The following RCOR1 variants were observed in gnomAD, a reference collection of about 807,000 sequenced individuals.
RCOR1 encodes REST corepressor.
In RCOR1, 12 loss-of-function variants were observed where a neutral mutation model predicts 64.0. That is an observed-to-expected ratio of 0.19 (90% CI 0.12 to 0.30). The LOEUF (loss-of-function observed/expected upper bound fraction) is 0.30. Among genes scored for constraint, RCOR1 ranks in the 10% least tolerant of loss-of-function variants. The pLI, the probability that RCOR1 is intolerant of heterozygous loss-of-function variation, is 1.00. For synonymous variants in RCOR1, 279 were observed against 227.2 expected, an observed-to-expected ratio of 1.23 and a Z score of -2.05; for missense variants, 502 against 621.2, an observed-to-expected ratio of 0.81 and a Z score of 2.04.
At position 102,619,104 on chromosome 14, in the gene RCOR1, A is replaced by ATCTGTCTGTCTGTCTG. The variant is rs71119723; in HGVS notation, c.361+25787_361+25802dup. On this transcript the variant is annotated intron_variant, in intron 2 of 11. Coordinates refer to ENST00000262241, the MANE Select transcript of RCOR1 (RefSeq NM_015156.4). ...CCTGGCTTGTGTATCTAGCTAAAGG[A>ATCTGTCTGTCTGTCTG]TCTGTCTGTCTGTCTGTCTGTCTTT... Among the ~76,000 whole-genome samples the ATCTGTCTGTCTGTCTG allele has an allele frequency of 3.2e-3, 488 of 151,526 alleles. 1 individual carries two copies. The highest frequency in any genetic ancestry group is 4.4e-3 in the Non-Finnish European group (299 of 67,866).
intron 2 of RCOR1, among the ~76,000 whole-genome samples, chr14:102,594,831 CTA>C: frequency 6.6e-6 from 1 of 152,150 alleles, no homozygotes; most frequent in East Asian, 1.9e-4. Flanking sequence ...TAGGTCAAGT[CTA>C]TCTTTGCTTT....
intron 2 of RCOR1, among the ~76,000 whole-genome samples, chr14:102,638,616 G>A (rs1046791694): frequency 6.6e-6 from 1 of 152,014 alleles, no homozygotes; most frequent in Non-Finnish European, 1.5e-5. Flanking sequence ...CAAAGGTTGG[G>A]ATTACAGGTG....
At chr14:102,596,356 G>A (rs1044613374) in intron 2 of RCOR1, among the ~76,000 whole-genome samples, 1 of 152,104 alleles carries the variant, frequency 6.6e-6, no homozygotes, top group Admixed American at 6.6e-5. Context: ...ACCCACCTCA[G>A]CCTTCCAAAT....
Position 102,593,026 on chromosome 14 carries a change from C to T in RCOR1, c.140C>T (p.Ser47Leu). 1 of 1,257,000 alleles carries T rather than the reference C, an allele frequency of 8.0e-7. No homozygotes were observed. The allele number at this position is 1,257,000 out of a possible 1,614,324, so 77.9% of individuals were successfully genotyped here. A position where few individuals can be genotyped will look rare whatever the true frequency, so the allele number is the denominator to read the frequency against. Residue 47 changes from serine to leucine, a missense_variant, in exon 1 of 12, where the codon TCG (serine) becomes TTG (leucine). Physicochemically the swap from Ser to Leu is moderately radical, Grantham distance 145 (BLOSUM62 -2). Around this residue, in one of 2 missense-constraint regions of RCOR1, gnomAD observed 242 missense variants for 204.9 expected, o/e 1.18. Transcript: ENST00000262241. ...ACASPAATAA[S>L]GAAASSASAA... ...GCCTCGCCAGCCGCCACTGCCGCCT[C>T]GGGCGCCGCCGCCTCCTCAGCCTCG...
At chr14:102,643,100 G>A (rs1894404524) in intron 2 of RCOR1, among the ~76,000 whole-genome samples, 2 of 152,174 alleles carry the variant, frequency 1.3e-5, no homozygotes, top group African/African-American at 4.8e-5. Context: ...GGCTAACACG[G>A]TGAAACCCTG....
chr14:102,614,053 A>ATG, intron 2 of RCOR1, among the ~76,000 whole-genome samples: 1 of 150,474 alleles, frequency 6.6e-6, no homozygotes, highest in East Asian at 2.0e-4. Flanking sequence ...GTGCCACTAC[A>ATG]CCCGGCTGAT....
chr14:102,688,748 C>T (rs751259725), intron 3 of RCOR1, among the ~76,000 whole-genome samples: 2 of 152,138 alleles, frequency 1.3e-5, no homozygotes, highest in African/African-American at 2.4e-5. Context: ...TCATTTACTC[C>T]ACACGTTTCT....
intron 2 of RCOR1, among the ~76,000 whole-genome samples, chr14:102,653,878 C>T (rs1894645412): frequency 1.3e-5 from 2 of 151,360 alleles, no homozygotes; most frequent in African/African-American, 4.9e-5. Context: ...CCATTGAAAC[C>T]TCTTCTCTTT....
chr14:102,631,602 G>A (rs1894112550), intron 2 of RCOR1, among the ~76,000 whole-genome samples: 1 of 151,978 alleles, frequency 6.6e-6, no homozygotes, highest in Non-Finnish European at 1.5e-5. Context: ...TGGACATGTG[G>A]GTATCATTAT....
At chr14:102,623,375 CTTTA>C (rs201016680) in intron 2 of RCOR1, among the ~76,000 whole-genome samples, 71 of 137,968 alleles carry the variant, frequency 5.1e-4, no homozygotes, top group African/African-American at 1.7e-3. Flanking sequence ...AATTTACTTC[CTTTA>C]TTTATTTATT....
At chr14:102,626,926 A>G (rs71417809) in intron 2 of RCOR1, among the ~76,000 whole-genome samples, 10,850 of 152,246 alleles carry the variant, frequency 0.071, 601 homozygotes, top group African/African-American at 0.15. Context: ...CCATAGCTCA[A>G]TGTGGCTGGA....
In RCOR1 at chr14:102,721,367, C is replaced by G. The variant is rs746761085; in HGVS notation, c.1179C>G (p.Leu393=). ...GTTGGACTACAGAAGAGCAGCTTCTCGCCGTACAAGGTAGGGGGAAGTTCT... is the reference window on the plus strand; with the variant it reads ...GTTGGACTACAGAAGAGCAGCTTCTGGCCGTACAAGGTAGGGGGAAGTTCT... The part of the protein sequence containing the change: ...NARWTTEEQL[L]AVQAIRKYGR... Residue 393 remains leucine (L), a synonymous_variant, in exon 10 of 12, where the codon CTC becomes CTG. Coordinates refer to ENST00000262241, the MANE Select transcript of RCOR1 (RefSeq NM_015156.4). The G allele has an allele frequency of 1.2e-6, 2 of 1,613,254 alleles. No individual in the cohort carries two copies. Among genetic ancestry groups the G allele is most frequent in the Non-Finnish European group, 1.7e-6 (2 of 1,179,282 alleles).
chr14:102,703,256 GT>G (rs1421831742), intron 4 of RCOR1, among the ~76,000 whole-genome samples: 2 of 152,196 alleles, frequency 1.3e-5, no homozygotes, highest in African/African-American at 4.8e-5. Flanking sequence ...GCATGTGGAA[GT>G]TGCATAAGGA....
intron 2 of RCOR1, among the ~76,000 whole-genome samples, chr14:102,680,534 G>T (rs935406507): frequency 3.9e-5 from 6 of 152,146 alleles, no homozygotes; most frequent in African/African-American, 1.4e-4. Context: ...TGGGCTGGGC[G>T]TGGTGGCTCA....
intron 2 of RCOR1, among the ~76,000 whole-genome samples, chr14:102,669,641 T>C (rs145512850): frequency 6.6e-6 from 1 of 152,314 alleles, no homozygotes; most frequent in Non-Finnish European, 1.5e-5. Context: ...GCAGCTTACT[T>C]CATCTCTCTG....
intron 2 of RCOR1, among the ~76,000 whole-genome samples, chr14:102,679,578 A>T (rs1418613821): frequency 1.3e-5 from 2 of 150,732 alleles, no homozygotes; most frequent in Non-Finnish European, 2.9e-5. Flanking sequence ...TCTCGCGTTC[A>T]CGCCATTCTC....
intron 2 of RCOR1, chr14:102,662,326 G>A (rs1003411257): frequency 1.2e-5 from 7 of 563,838 alleles, no homozygotes; most frequent in African/African-American, 9.4e-5. Flanking sequence ...CCATCAGGCC[G>A]AATCAGGGTG....
chr14:102,639,497 T>TTTTATTTATTTA (rs3069233), intron 2 of RCOR1, among the ~76,000 whole-genome samples: 139 of 135,400 alleles, frequency 1.0e-3, no homozygotes, highest in Non-Finnish European at 1.1e-3. Flanking sequence ...ATTTTTTAAT[T>TTTTATTTATTTA]TTTATTTATT....
chr14:102,718,673 T>C (rs1166382737), intron 8 of RCOR1, among the ~76,000 whole-genome samples: 1 of 152,224 alleles, frequency 6.6e-6, no homozygotes, highest in Non-Finnish European at 1.5e-5. Flanking sequence ...TGATTACCTT[T>C]GCATCCTATT....
Sources: allele counts gnomAD v4.1 joint callset (sites outside exome capture counted in the v4.1 genomes callset), GRCh38; gene constraint gnomAD v4.1.1; regional missense constraint gnomAD v4.1.1; transcripts MANE v1.5; gene names NCBI Gene and HGNC (gene_info 2026-07-23, HGNC 2026-07-21).